ELL: variants seen among roughly 807,000 people sequenced by gnomAD.
ELL encodes elongation factor for RNA polymerase II, also known as RNA polymerase II elongation factor ELL.
A neutral mutation model predicts 64.0 loss-of-function variants in ELL; 18 were observed. That is an observed-to-expected ratio of 0.28 (90% CI 0.19 to 0.42). The LOEUF (loss-of-function observed/expected upper bound fraction) is 0.42. ELL is among the 10% of genes least tolerant of loss of function. The pLI, the probability that ELL is intolerant of heterozygous loss-of-function variation, is 1.00. For synonymous variants in ELL, 399 were observed against 376.2 expected, an observed-to-expected ratio of 1.06 and a Z score of -0.70; for missense variants, 797 against 870.4, an observed-to-expected ratio of 0.92 and a Z score of 1.06.
intron 1 of ELL, among the ~76,000 whole-genome samples, chr19:18,507,060 T>C (rs1465478941): frequency 6.6e-6 from 1 of 152,230 alleles, no homozygotes; most frequent in Non-Finnish European, 1.5e-5. Context: ...GGAGATGAGC[T>C]GGACACAGGC....
chr19:18,503,999 C>A (rs1209955960), intron 1 of ELL, among the ~76,000 whole-genome samples: 3 of 152,256 alleles, frequency 2.0e-5, no homozygotes, highest in Non-Finnish European at 2.9e-5. Flanking sequence ...CATCCCCCCG[C>A]CTGATCCAAG....
chr19:18,462,832 G>A (rs1484247941), intron 4 of ELL, among the ~76,000 whole-genome samples: 1 of 152,104 alleles, frequency 6.6e-6, no homozygotes, highest in Non-Finnish European at 1.5e-5. Flanking sequence ...AAAGATGTCG[G>A]AGCCACTTTC....
chr19:18,475,193 G>T (rs1282507184), intron 1 of ELL, among the ~76,000 whole-genome samples: 1 of 152,150 alleles, frequency 6.6e-6, no homozygotes, highest in East Asian at 1.9e-4. Flanking sequence ...ACCAATTAAG[G>T]TGTGAAAAGA....
rs544380083 is a variant in ELL at position 18,451,004 on chromosome 19, G to A, written c.967-29C>T. 1.1e-5 allele frequency: 17 copies of A among 1,502,142 alleles called. No individual in the cohort carries two copies. In the South Asian group the frequency reaches 2.2e-4, roughly 19 times the overall value. The allele number at this position is 1,502,142 out of a possible 1,614,324, so 93.1% of individuals were successfully genotyped here. A position where few individuals can be genotyped will look rare whatever the true frequency, so the allele number is the denominator to read the frequency against. On this transcript the variant is annotated intron_variant, in intron 7 of 11. Transcript: ENST00000262809. ...GAGAGGAGCAGAGATCATTTTAGAG[G>A]GGAGCACAGAGTGGCTGAGCAGCAA...
rs1032270625 is a variant in ELL at position 18,444,111 on chromosome 19, A to C, written c.*641T>G. The C allele has an allele frequency of 2.2e-5, 5 of 230,648 alleles. No individual in the cohort carries two copies. The highest frequency in any genetic ancestry group is 1.1e-4 in the African/African-American group (5 of 45,184). 14.3% of individuals were successfully genotyped at this position (230,648 alleles called of 1,614,324 possible). A position where few individuals can be genotyped will look rare whatever the true frequency, so the allele number is the denominator to read the frequency against. On this transcript the variant is annotated 3_prime_UTR_variant, in exon 12 of 12. Transcript: ENST00000262809. ...CTGGGGGCACCAGCTGGAGTTCTCA[A>C]AATAGCCACCTGGGCCACCCTGTTT...
chr19:18,462,279 A>C (rs993243940), intron 4 of ELL, among the ~76,000 whole-genome samples: 5 of 122,814 alleles, frequency 4.1e-5, no homozygotes. Context: ...TCACCTGATC[A>C]CTCTGGTGGG....
At chr19:18,467,701 C>T (rs1273110115) in intron 2 of ELL, among the ~76,000 whole-genome samples, 2 of 130,986 alleles carry the variant, frequency 1.5e-5, no homozygotes, top group Non-Finnish European at 3.3e-5. Context: ...CACAATCTCC[C>T]CACACACAAT....
At chr19:18,484,971 G>A (rs926279999) in intron 1 of ELL, among the ~76,000 whole-genome samples, 1 of 152,192 alleles carries the variant, frequency 6.6e-6, no homozygotes, top group Non-Finnish European at 1.5e-5. Context: ...ACTGACCTAG[G>A]TCACTGGGGT....
At chr19:18,484,960 G>T (rs1975379780) in intron 1 of ELL, among the ~76,000 whole-genome samples, 1 of 152,186 alleles carries the variant, frequency 6.6e-6, no homozygotes, top group Non-Finnish European at 1.5e-5. Context: ...GAAGCTAAGG[G>T]ACTGACCTAG....
intron 2 of ELL, chr19:18,470,943 G>A (rs1478674930): frequency 6.6e-6 from 3 of 456,328 alleles, no homozygotes; most frequent in African/African-American, 4.0e-5. Context: ...GTCTCCTAGA[G>A]GCTCCATGTC....
chr19:18,514,940 T>C (rs1157538970), intron 1 of ELL, among the ~76,000 whole-genome samples: 1 of 152,184 alleles, frequency 6.6e-6, no homozygotes, highest in Non-Finnish European at 1.5e-5. Context: ...GCAATCCTGT[T>C]TGTCAGGCTG....
At position 18,455,227 on chromosome 19, in the gene ELL, T is replaced by C. The variant is rs553146968; in HGVS notation, c.869+2978A>G. ...GATGAGTTAGGCCAGGCACAGTGGA[T>C]CACGCCTGTAATCCCAGCACTTTGG... On this transcript the variant is annotated intron_variant, in intron 6 of 11. Coordinates refer to ENST00000262809, the MANE Select transcript of ELL (RefSeq NM_006532.4). 5.3e-5 allele frequency among the ~76,000 whole-genome samples: 8 copies of C among 151,354 alleles called. No individual in the cohort carries two copies. In the South Asian group the frequency reaches 1.7e-3, roughly 32 times the overall value.
At chr19:18,472,618 C>A in intron 2 of ELL, 1 of 551,980 alleles carries the variant, frequency 1.8e-6, no homozygotes, top group Non-Finnish European at 3.1e-6. Context: ...GAGAGGAGAG[C>A]CGCCCATTGC....
intron 1 of ELL, among the ~76,000 whole-genome samples, chr19:18,499,735 G>C (rs980532256): frequency 6.6e-6 from 1 of 152,176 alleles, no homozygotes; most frequent in East Asian, 1.9e-4. Flanking sequence ...TCCCGAGACA[G>C]AGGAACAGAG....
At chr19:18,448,126 A>C (rs1407814605) in intron 8 of ELL, 4 of 147,772 alleles carry the variant, frequency 2.7e-5, no homozygotes, top group Admixed American at 6.8e-5. Flanking sequence ...AGAGATGAGG[A>C]GGCTTGCCTA....
chr19:18,479,708 CAAAA>C (rs60371809), intron 1 of ELL, among the ~76,000 whole-genome samples: 2 of 72,832 alleles, frequency 2.7e-5, no homozygotes, highest in African/African-American at 5.4e-5. Context: ...GACTCCATCT[CAAAA>C]AAAAAAAAAA....
intron 1 of ELL, among the ~76,000 whole-genome samples, chr19:18,509,643 A>C (rs1325349473): frequency 8.4e-6 from 1 of 119,350 alleles, no homozygotes; most frequent in African/African-American, 4.0e-5. Flanking sequence ...ACACACACAC[A>C]CACACACACA....
At chr19:18,467,005 G>A (rs1182125501) in intron 2 of ELL, among the ~76,000 whole-genome samples, 5 of 152,152 alleles carry the variant, frequency 3.3e-5, no homozygotes, top group Middle Eastern at 3.2e-3. Flanking sequence ...GACAGGACGG[G>A]GCTCCTGCCA....
At chr19:18,474,687 G>T (rs959431375) in intron 1 of ELL, among the ~76,000 whole-genome samples, 1 of 152,226 alleles carries the variant, frequency 6.6e-6, no homozygotes, top group Non-Finnish European at 1.5e-5. Context: ...CGACAAGGGG[G>T]GCTCGTCTAG....
Sources: allele counts gnomAD v4.1 joint callset (sites outside exome capture counted in the v4.1 genomes callset), GRCh38; gene constraint gnomAD v4.1.1; transcripts MANE v1.5; gene names NCBI Gene and HGNC (gene_info 2026-07-23, HGNC 2026-07-21).